The following AUTS2 variants were observed in gnomAD, a reference collection of about 807,000 sequenced individuals.
The protein encoded by AUTS2 is autism susceptibility gene 2 protein.
AUTS2 carries 17 observed loss-of-function variants against 112.4 expected under a neutral mutation model. The ratio of observed to expected loss-of-function variants is 0.15; its 90% CI spans 0.10 to 0.23. The LOEUF (loss-of-function observed/expected upper bound fraction) is 0.23. AUTS2 is among the 10% of genes least tolerant of loss of function. The probability of loss-of-function intolerance (pLI) is 1.00; values close to 1 mark genes in which losing one functional copy is unlikely to be tolerated. For missense variants in AUTS2, 1,510 were observed against 1,701.6 expected, an observed-to-expected ratio of 0.89 and a Z score of 1.98; for synonymous variants, 751 against 702.7, an observed-to-expected ratio of 1.07 and a Z score of -1.09.
At chr7:69,760,891 A>T (rs1417580326) in intron 1 of AUTS2, among the ~76,000 whole-genome samples, 1 of 152,226 alleles carries the variant, frequency 6.6e-6, no homozygotes, top group East Asian at 1.9e-4. Context: ...CAGTAAGAAA[A>T]TATGTTTTGA....
At chr7:69,612,220 T>G (rs1387356850) in intron 1 of AUTS2, among the ~76,000 whole-genome samples, 39 of 152,198 alleles carry the variant, frequency 2.6e-4, no homozygotes, top group Non-Finnish European at 5.4e-4. Flanking sequence ...GTATTTCATC[T>G]TTCTGACATG....
chr7:70,785,459 T>TCTTC (rs1281867284), intron 16 of AUTS2: 1 of 472,458 alleles, frequency 2.1e-6, no homozygotes, highest in South Asian at 1.5e-5. Context: ...TAAATGAGTC[T>TCTTC]CTTCCTAATA....
At chr7:69,895,021 A>G (rs1370135720) in intron 1 of AUTS2, among the ~76,000 whole-genome samples, 1 of 152,036 alleles carries the variant, frequency 6.6e-6, no homozygotes, top group African/African-American at 2.4e-5. Flanking sequence ...CCCTCCCCAT[A>G]TTATAGCAAT....
intron 2 of AUTS2, among the ~76,000 whole-genome samples, chr7:69,935,180 A>AGG (rs1554407606): frequency 6.6e-6 from 1 of 151,810 alleles, no homozygotes; most frequent in Admixed American, 6.6e-5. Flanking sequence ...TCTGGGAAAA[A>AGG]AGGACGGAGG....
At chr7:70,786,331 C>T (rs543469206) in intron 17 of AUTS2, among the ~76,000 whole-genome samples, 3 of 152,354 alleles carry the variant, frequency 2.0e-5, no homozygotes, top group East Asian at 1.9e-4. Flanking sequence ...CATCTCTGCT[C>T]TCCAAGATTT....
intron 1 of AUTS2, among the ~76,000 whole-genome samples, chr7:69,824,163 C>T (rs915611033): frequency 1.3e-5 from 2 of 151,874 alleles, no homozygotes; most frequent in African/African-American, 4.8e-5. Flanking sequence ...TCTGTAATCC[C>T]AGCACTGTGG....
chr7:70,681,756 A>G (rs1808222784), intron 5 of AUTS2, among the ~76,000 whole-genome samples: 2 of 152,162 alleles, frequency 1.3e-5, no homozygotes, highest in Admixed American at 6.5e-5. Context: ...AGTGTATTCC[A>G]GTGTGGATTT....
At chr7:70,504,745 C>T (rs1012328531) in intron 5 of AUTS2, among the ~76,000 whole-genome samples, 19 of 152,232 alleles carry the variant, frequency 1.2e-4, no homozygotes, top group African/African-American at 4.6e-4. Context: ...CTAAGACAAG[C>T]CAGAATCTTT....
intron 1 of AUTS2, among the ~76,000 whole-genome samples, chr7:69,798,989 TA>T (rs796389146): frequency 2.0e-3 from 282 of 140,104 alleles, no homozygotes; most frequent in Middle Eastern, 3.6e-3. Flanking sequence ...AAACCTAGTC[TA>T]AAAAAAAAAA....
intron 2 of AUTS2, among the ~76,000 whole-genome samples, chr7:70,009,666 C>G (rs118110825): frequency 0.011 from 1,602 of 152,194 alleles, 13 homozygotes; most frequent in Non-Finnish European, 0.018. Context: ...GGTCTTTTTT[C>G]AATCTGAAAA....
At chr7:70,668,937 T>C (rs968517920) in intron 5 of AUTS2, among the ~76,000 whole-genome samples, 1 of 151,890 alleles carries the variant, frequency 6.6e-6, no homozygotes, top group Non-Finnish European at 1.5e-5. Flanking sequence ...AGAAAGTAAT[T>C]TGGCACCTGC....
chr7:70,115,773 T>C (rs1312561417), intron 2 of AUTS2, among the ~76,000 whole-genome samples: 1 of 152,246 alleles, frequency 6.6e-6, no homozygotes, highest in African/African-American at 2.4e-5. Context: ...AGTATAACTA[T>C]GTTATAACAA....
In AUTS2 at chr7:70,792,265, AGT is replaced by A. The variant is rs1024864087; in HGVS notation, c.*1274_*1275del. On this transcript the variant is annotated 3_prime_UTR_variant, in exon 19 of 19. Coordinates refer to ENST00000342771, the MANE Select transcript of AUTS2 (RefSeq NM_015570.4). ...GGCAGAAAAAAAAGTCTTGTGTGTGAGTGTGTTTTTTGAGTTTGCATCAATCT... is the reference window on the plus strand; with the variant it reads ...GGCAGAAAAAAAAGTCTTGTGTGTGAGTGTTTTTTGAGTTTGCATCAATCT... 2.6e-5 allele frequency: 4 copies of A among 152,438 alleles called. No individual in the cohort carries two copies. The highest frequency in any genetic ancestry group is 4.4e-5 in the Non-Finnish European group (3 of 67,994). 9.4% of individuals were successfully genotyped at this position (152,438 alleles called of 1,614,324 possible). A position where few individuals can be genotyped will look rare whatever the true frequency, so the allele number is the denominator to read the frequency against.
At chr7:69,726,952 T>A (rs1025698261) in intron 1 of AUTS2, among the ~76,000 whole-genome samples, 1 of 152,326 alleles carries the variant, frequency 6.6e-6, no homozygotes, top group African/African-American at 2.4e-5. Flanking sequence ...AGTACTTCTT[T>A]CAGTCTGTTA....
In AUTS2 at chr7:70,234,365, T is replaced by G. The variant is rs777750372; in HGVS notation, c.660+99794T>G. Among the ~76,000 whole-genome samples, 197 of 152,340 alleles carry G rather than the reference T, an allele frequency of 1.3e-3. 3 individuals carry two copies. The highest frequency in any genetic ancestry group is 4.3e-4 in the Non-Finnish European group (29 of 68,034). On this transcript the variant is annotated intron_variant, in intron 4 of 18. Coordinates refer to ENST00000342771, the MANE Select transcript of AUTS2 (RefSeq NM_015570.4). ...TTCTCTTCACTTCCTTATGAAAAGT[T>G]TCTCAACTCTTCTCTCAGTATTTTC...
chr7:70,442,495 T>C (rs1796158697), intron 5 of AUTS2, among the ~76,000 whole-genome samples: 1 of 152,170 alleles, frequency 6.6e-6, no homozygotes, highest in African/African-American at 2.4e-5. Context: ...ATTTTTAATT[T>C]ATTTTTGTTT....
intron 2 of AUTS2, among the ~76,000 whole-genome samples, chr7:70,003,502 G>T (rs1799336297): frequency 2.5e-5 from 3 of 118,652 alleles, no homozygotes; most frequent in African/African-American, 3.4e-5. Flanking sequence ...ATATGAATAT[G>T]TTATATATGT....
At chr7:69,956,775 C>T (rs988638795) in intron 2 of AUTS2, among the ~76,000 whole-genome samples, 4 of 152,082 alleles carry the variant, frequency 2.6e-5, no homozygotes, top group South Asian at 4.1e-4. Flanking sequence ...TTCAGCCTTT[C>T]GTTGTGTGAT....
chr7:69,717,977 C>T (rs1798709929), intron 1 of AUTS2, among the ~76,000 whole-genome samples: 3 of 152,196 alleles, frequency 2.0e-5, no homozygotes, highest in Admixed American at 2.0e-4. Context: ...AACTTTACCT[C>T]TTCAATTCAA....
Sources: allele counts gnomAD v4.1 joint callset (sites outside exome capture counted in the v4.1 genomes callset), GRCh38; gene constraint gnomAD v4.1.1; transcripts MANE v1.5; gene names NCBI Gene and HGNC (gene_info 2026-07-23, HGNC 2026-07-21).